Variants in NDUFV3 observed in about 807,000 individuals in gnomAD.
NDUFV3 encodes NADH:ubiquinone oxidoreductase subunit V3.
A neutral mutation model predicts 37.5 loss-of-function variants in NDUFV3; 44 were observed. The ratio of observed to expected loss-of-function variants is 1.17; its 90% confidence interval spans 0.92 to 1.51. The LOEUF (loss-of-function observed/expected upper bound fraction) is 1.51, where lower values mean the gene tolerates loss of function less well. NDUFV3 is among the 40% of genes most tolerant of loss of function. The pLI is 0.00. For synonymous variants in NDUFV3, 235 were observed against 239.3 expected (o/e 0.98, Z 0.17); for missense variants, 580 against 580.4 (o/e 1.00, Z 0.01).
rs376366189 is a variant in NDUFV3, at chr21:42,899,594, G to A, written c.169+2547G>A. On this transcript the variant is annotated intron_variant, in intron 2 of 3. Coordinates refer to ENST00000354250, the MANE Select transcript of NDUFV3 (RefSeq NM_021075.4). ...CGAATAGCTGGGACTACAGGTGCCCGCCACCAAACCCGGCAAATTTTTCTG... is the reference window on the plus strand; with the variant it reads ...CGAATAGCTGGGACTACAGGTGCCCACCACCAAACCCGGCAAATTTTTCTG... 1.6e-4 allele frequency among the ~76,000 whole-genome samples: 25 copies of A among 152,248 alleles called. 1 individual carries two copies. The South Asian group carries it at 2.1e-3, about 13-fold the overall frequency.
intron 2 of NDUFV3, among the ~76,000 whole-genome samples, chr21:42,900,975 C>T (rs1309705723): frequency 1.3e-5 from 2 of 152,160 alleles, no homozygotes; most frequent in East Asian, 3.8e-4. Flanking sequence ...AATTTTGCAA[C>T]AGTCAGTAAT....
intron 2 of NDUFV3, among the ~76,000 whole-genome samples, chr21:42,901,905 A>T (rs1486260505): frequency 6.6e-6 from 1 of 152,140 alleles, no homozygotes; most frequent in Non-Finnish European, 1.5e-5. Context: ...CTTGATTCTC[A>T]TGTGTTTATT....
rs141469864 is a variant in NDUFV3 at position 42,909,390 on chromosome 21, C to T, written c.*369C>T. 7.0e-3 allele frequency: 2,191 copies of T among 314,802 alleles called. 13 individuals are homozygous for T. The highest frequency in any genetic ancestry group is 0.01 in the Non-Finnish European group (1,655 of 160,614). The allele number at this position is 314,802 out of a possible 1,614,324, so 19.5% of individuals were successfully genotyped here. A position where few individuals can be genotyped will look rare whatever the true frequency, so the allele number is the denominator to read the frequency against. Reference sequence around the variant, plus strand: ...CTCCTGACCTCAGATGGTCTGCCCACCTCCGCCTCCCAAAGTGCTGGGATT... The same window carrying T: ...CTCCTGACCTCAGATGGTCTGCCCATCTCCGCCTCCCAAAGTGCTGGGATT... On this transcript the variant is annotated 3_prime_UTR_variant, in exon 4 of 4. Coordinates refer to ENST00000354250, the MANE Select transcript of NDUFV3 (RefSeq NM_021075.4).
In NDUFV3 at chr21:42,899,277, G is replaced by GTTTTTTTTTTTTTTTTTT. The variant is rs370812043; in HGVS notation, c.169+2239_169+2240insTTTTTTTTTTTTTTTTTT. ...TCAATACACAGAACAGTTGTATCTT[G>GTTTTTTTTTTTTTTTTTT]TTTTTTTTTGAGACAGAGTTTTGCT... On this transcript the variant is annotated intron_variant, in intron 2 of 3. Coordinates refer to ENST00000354250, the MANE Select transcript of NDUFV3 (RefSeq NM_021075.4). 1.0e-3 allele frequency among the ~76,000 whole-genome samples: 143 copies of GTTTTTTTTTTTTTTTTTT among 141,104 alleles called. 1 individual carries two copies. Among genetic ancestry groups the GTTTTTTTTTTTTTTTTTT allele is most frequent in the African/African-American group, 1.4e-3 (52 of 37,672 alleles). The allele number at this position is 141,104 out of a possible 152,430, so 92.6% of individuals were successfully genotyped here. A position where few individuals can be genotyped will look rare whatever the true frequency, so the allele number is the denominator to read the frequency against.
intron 1 of NDUFV3, among the ~76,000 whole-genome samples, 165 bp downstream of exon 1, chr21:42,893,546 C>T (rs1442209892): frequency 1.3e-5 from 2 of 152,218 alleles, no homozygotes; most frequent in Non-Finnish European, 2.9e-5. Flanking sequence ...CGCCACGGGG[C>T]CAGGCCCGGA....
At position 42,903,404 on chromosome 21, in the gene NDUFV3, C is replaced by T. The variant is rs1257918418; in HGVS notation, c.392C>T (p.Pro131Leu). The change falls in exon 3 of 4, where the codon CCA (proline) becomes CTA (leucine). Residue 131 changes from proline (P) to leucine (L), a missense_variant. By Grantham distance (98) the Pro-to-Leu change is moderately conservative (BLOSUM62 -3). Transcript: ENST00000354250. Reference sequence around the variant, plus strand: ...GAGTTTCCACAGAAAGTTCTGTCTCCATTCAGAAAACAGGGCTCTGATTCA... The same window carrying T: ...GAGTTTCCACAGAAAGTTCTGTCTCTATTCAGAAAACAGGGCTCTGATTCA... ...LVEFPQKVLS[P>L]FRKQGSDSEA... 1 of 1,613,984 alleles carries T rather than the reference C, an allele frequency of 6.2e-7. No homozygotes were observed.
At chr21:42,898,629 C>T (rs928663681) in intron 2 of NDUFV3, among the ~76,000 whole-genome samples, 5 of 152,148 alleles carry the variant, frequency 3.3e-5, no homozygotes, top group African/African-American at 9.7e-5. Context: ...ACCATCACAC[C>T]CTGGCTAATA....
chr21:42,902,526 C>G (rs1466003310), intron 2 of NDUFV3, among the ~76,000 whole-genome samples: 1 of 152,146 alleles, frequency 6.6e-6, no homozygotes, highest in African/African-American at 2.4e-5. Flanking sequence ...AAAAGAGATT[C>G]AGGAAATTTG....
In NDUFV3 at chr21:42,896,440, C is replaced by T. The variant is rs574233171; in HGVS notation, c.49-487C>T. On this transcript the variant is annotated intron_variant, in intron 1 of 3. Coordinates refer to ENST00000354250, the MANE Select transcript of NDUFV3 (RefSeq NM_021075.4). ...CAAAGTGCTAGGATTACAGTCGCAC[C>T]GCGCCCGGCCTTTTTTTTGTATTTT... Among the ~76,000 whole-genome samples the T allele has an allele frequency of 4.4e-4, 67 of 151,992 alleles. 1 individual carries two copies. The highest frequency in any genetic ancestry group is 7.9e-4 in the Admixed American group (12 of 15,244).
At chr21:42,898,303 GA>G (rs1218254810) in intron 2 of NDUFV3, among the ~76,000 whole-genome samples, 1 of 152,022 alleles carries the variant, frequency 6.6e-6, no homozygotes, top group Non-Finnish European at 1.5e-5. Flanking sequence ...TGTTTTAAGA[GA>G]GGGGCTCTGG....
chr21:42,893,369 CG>C lies in NDUFV3; in HGVS notation c.40del (p.Ala14ArgfsTer2). On this transcript the variant is annotated frameshift_variant, in exon 1 of 4. Coordinates refer to ENST00000354250, the MANE Select transcript of NDUFV3 (RefSeq NM_021075.4). LOFTEE classifies it high-confidence loss of function. ...CGTGTTTGCTGCGGCAAGGACGAGC[CG>C]GGGCGCTGAAGGTAAAGGAGGAGCC... is the stretch of plus-strand genomic sequence containing the variant. The part of the protein sequence containing the change: ...APCLLRQGRA[G>X]ALKTMLQEAQ... The C allele has an allele frequency of 1.3e-6, 2 of 1,537,880 alleles. No individual in the cohort carries two copies.
At chr21:42,905,811 T>A (rs1601224236) in intron 3 of NDUFV3, among the ~76,000 whole-genome samples, 1 of 145,906 alleles carries the variant, frequency 6.9e-6, no homozygotes, top group Non-Finnish European at 1.5e-5. Flanking sequence ...CCACCGTGCC[T>A]AGCGTGTGGA....
In NDUFV3 at chr21:42,903,505, G is replaced by A. The variant is rs756951522; in HGVS notation, c.493G>A (p.Asp165Asn). 2 of 1,614,060 alleles carry A rather than the reference G, an allele frequency of 1.2e-6. No individual in the cohort carries two copies. Among genetic ancestry groups the A allele is most frequent in the Non-Finnish European group, 1.7e-6 (2 of 1,180,034 alleles). The change falls in exon 3 of 4, where the codon GAT (aspartate) becomes AAT (asparagine). Residue 165 changes from aspartate (D) to asparagine (N), a missense_variant. Coordinates refer to ENST00000354250, the MANE Select transcript of NDUFV3 (RefSeq NM_021075.4). ...TTCCAGCTCCTCTGATTCTGAATCTGATGATGAGGCTGACGTTTCAGAGGT... is the reference window on the plus strand; with the variant it reads ...TTCCAGCTCCTCTGATTCTGAATCTAATGATGAGGCTGACGTTTCAGAGGT... ...SSSSSSDSESDDEADVSEVTP... is the reference protein window; with the variant it reads ...SSSSSSDSESNDEADVSEVTP...
intron 1 of NDUFV3, among the ~76,000 whole-genome samples, chr21:42,896,105 T>G (rs2058689604): frequency 1.3e-5 from 2 of 149,716 alleles, no homozygotes; most frequent in African/African-American, 4.9e-5. Context: ...TGCCTCAGCC[T>G]CTGCAGTACC....
chr21:42,902,849 T>C (rs530659217), intron 2 of NDUFV3, among the ~76,000 whole-genome samples: 1 of 152,324 alleles, frequency 6.6e-6, no homozygotes, highest in Non-Finnish European at 1.5e-5. Context: ...AGTATTTGCA[T>C]ATCATCTAAG....
At chr21:42,896,050 C>G (rs898644958) in intron 1 of NDUFV3, among the ~76,000 whole-genome samples, 3 of 144,616 alleles carry the variant, frequency 2.1e-5, no homozygotes, top group African/African-American at 7.8e-5. Flanking sequence ...GTGGCGTGAT[C>G]TCAGCTCACT....
rs5844145 is a variant in NDUFV3 at position 42,895,990 on chromosome 21, T to TC, written c.49-937_49-936insC. On this transcript the variant is annotated intron_variant, in intron 1 of 3. Transcript: ENST00000354250. ...CAGCACTTTGGTTGTTTTTCTTTTT[T>TC]TTTTTTTTTTCCTGAGACAGTCTCA... 3.8e-3 allele frequency among the ~76,000 whole-genome samples: 559 copies of TC among 148,124 alleles called. 6 individuals carry two copies. The highest frequency in any genetic ancestry group is 0.013 in the African/African-American group (515 of 40,032).
intron 1 of NDUFV3, 144 bp from the exon 2 acceptor site, chr21:42,896,783 G>A: frequency 1.4e-6 from 1 of 729,142 alleles, no homozygotes. Flanking sequence ...AGGCTGCAGT[G>A]AGCCATGATT....
chr21:42,909,511 A>G lies in NDUFV3; in HGVS notation c.*490A>G, dbSNP rs936223480. 1 of 201,046 alleles carries G rather than the reference A, an allele frequency of 5.0e-6. No homozygotes were observed. The highest frequency in any genetic ancestry group is 1.0e-5 in the Non-Finnish European group (1 of 96,584). 12.5% of individuals were successfully genotyped at this position (201,046 alleles called of 1,614,324 possible). On this transcript the variant is annotated 3_prime_UTR_variant, in exon 4 of 4. Coordinates refer to ENST00000354250, the MANE Select transcript of NDUFV3 (RefSeq NM_021075.4). ...ACTGATTATCCAACATATATTTTGG[A>G]ATATCTACTATGTGCAAGGAATTTT...
Sources: allele counts gnomAD v4.1 joint callset (sites outside exome capture counted in the v4.1 genomes callset), GRCh38; gene constraint gnomAD v4.1.1; transcripts MANE v1.5; gene names NCBI Gene and HGNC (gene_info 2026-07-23, HGNC 2026-07-21).